POLD4: variants seen among roughly 807,000 people sequenced by gnomAD.
POLD4 encodes the protein DNA polymerase delta subunit 4.
A neutral mutation model predicts 16.5 loss-of-function variants in POLD4; 9 were observed. That is an observed-to-expected ratio of 0.55 (90% CI 0.33 to 0.95). The LOEUF (loss-of-function observed/expected upper bound fraction) is 0.95, where lower values mean the gene tolerates loss of function less well. Among genes scored for constraint, POLD4 ranks in the 40% least tolerant of loss-of-function variants. The pLI is 0.03. For synonymous variants in POLD4, 62 were observed against 57.6 expected (o/e 1.08, Z -0.35); for missense variants, 129 against 139.7 (o/e 0.92, Z 0.39).
In POLD4 at chr11:67,353,058, G is replaced by T. The variant is rs28364241; in HGVS notation, c.117C>A (p.Arg39=). 765 of 1,588,348 alleles carry T rather than the reference G, an allele frequency of 4.8e-4. 3 individuals carry two copies. In the African/African-American group the frequency reaches 9.0e-3, roughly 19 times the overall value. The part of the protein sequence containing the change: ...APELGEEPQP[R]DEEEAELELL... The stretch of plus-strand genomic sequence containing the variant: ...GCTCCAGCTCCGCTTCCTCCTCGTC[G>T]CGGGGCTGGGGCTCCTCCCCTGCAA... Residue 39 remains arginine (R), a synonymous_variant, in exon 2 of 4, where the codon CGC becomes CGA. Coordinates refer to ENST00000312419, the MANE Select transcript of POLD4 (RefSeq NM_021173.5).
chr11:67,352,983 C>A lies in POLD4; in HGVS notation c.187+5G>T. On this transcript the variant is annotated splice_donor_5th_base_variant and intron_variant, in intron 2 of 3. Transcript: ENST00000312419. ...GCGCCTCCGTGGGGCTGGGTGGGTT[C>A]TCACCGGTGCAGGGCCCGTACTGCC... 1 of 1,559,992 alleles carries A rather than the reference C, an allele frequency of 6.4e-7. No homozygotes were observed. Among genetic ancestry groups the A allele is most frequent in the South Asian group, 1.2e-5 (1 of 84,796 alleles).
intron 2 of POLD4, 36 bp from the exon 3 acceptor site, chr11:67,352,838 G>A: frequency 6.5e-7 from 1 of 1,544,832 alleles, no homozygotes; most frequent in Admixed American, 1.8e-5. Flanking sequence ...GAGACTTGTG[G>A]GGGGTGGGGT....
chr11:67,352,771 GGC>G lies in POLD4; in HGVS notation c.217_218del (p.Ala73GlnfsTer89). On this transcript the variant is annotated frameshift_variant, in exon 3 of 4. Transcript: ENST00000312419. LOFTEE classifies it high-confidence loss of function. ...GGGGAGGCTCCAAGCCCATCTGCTT[GGC>G]CCGACACCAGCGCTGCAGCCGTGTG... ...GITRLQRWCR[A>X]KQMGLEPPPE... is the part of the protein sequence containing the mutation. The G allele has an allele frequency of 6.2e-7, 1 of 1,612,248 alleles. No individual in the cohort carries two copies. Among genetic ancestry groups the G allele is most frequent in the Admixed American group, 1.7e-5 (1 of 59,774 alleles).
At chr11:67,352,533 G>A (rs979417941) in intron 3 of POLD4, 158 bp downstream of exon 3, 2 of 587,394 alleles carry the variant, frequency 3.4e-6, no homozygotes, top group Non-Finnish European at 3.1e-6. Context: ...TATTATAGTG[G>A]CGTGTCCTCC....
intron 3 of POLD4, 68 bp from the exon 4 acceptor site, chr11:67,352,087 T>C: frequency 7.7e-7 from 1 of 1,293,584 alleles, no homozygotes; most frequent in Non-Finnish European, 1.1e-6. Context: ...GAATCAGTTG[T>C]TGAGTCCCTG....
Position 67,353,430 on chromosome 11 carries a change from C to G in POLD4, c.-31G>C. The G allele has an allele frequency of 6.3e-7, 1 of 1,592,618 alleles. No individual in the cohort carries two copies. Among genetic ancestry groups the G allele is most frequent in the South Asian group, 1.1e-5 (1 of 90,446 alleles). On this transcript the variant is annotated 5_prime_UTR_variant, in exon 1 of 4. Coordinates refer to ENST00000312419, the MANE Select transcript of POLD4 (RefSeq NM_021173.5). The stretch of plus-strand genomic sequence containing the variant: ...CCACCCAGGCAGGCAGAGAAGGAGG[C>G]AACTGCGGGGAAGAGGAGAGACCGG...
chr11:67,351,999 A>AT lies in POLD4; in HGVS notation c.319_320insA (p.Leu107HisfsTer56). 7.8e-7 allele frequency: 1 copy of AT among 1,286,044 alleles called. No homozygotes were observed. The highest frequency in any genetic ancestry group is 1.0e-6 in the Non-Finnish European group (1 of 982,732). The allele number at this position is 1,286,044 out of a possible 1,614,324, so 79.7% of individuals were successfully genotyped here. ...CAGGAGGTCTTACGTGGTGCCTCAT[A>AT]GGGGATAGAGATGCCAGAGACTGTG... On this transcript the variant is annotated frameshift_variant, in exon 4 of 4. Transcript: ENST00000312419. LOFTEE classifies it high-confidence loss of function. This position sits in a 1 kb window ranked among gnomAD's most constrained non-coding sequence, Gnocchi z 4.8.
chr11:67,352,639 T>A, intron 3 of POLD4, 52 bp downstream of exon 3: 1 of 1,397,440 alleles, frequency 7.2e-7, no homozygotes. Flanking sequence ...AGGGTGACAG[T>A]GCCTGGAGAA....
At chr11:67,352,471 C>G in intron 3 of POLD4, 1 of 482,084 alleles carries the variant, frequency 2.1e-6, no homozygotes. Flanking sequence ...GATCGCGCCA[C>G]TGCACTCCAG....
intron 3 of POLD4, chr11:67,352,478 C>G (rs956787112): frequency 1.2e-5 from 6 of 494,040 alleles, no homozygotes; most frequent in Non-Finnish European, 2.2e-5. Context: ...CCACTGCACT[C>G]CAGCCTGGGC....
intron 2 of POLD4, 79 bp from the exon 3 acceptor site, chr11:67,352,881 G>A: frequency 2.2e-6 from 3 of 1,366,332 alleles, no homozygotes; most frequent in Non-Finnish European, 3.0e-6. Context: ...TGTGTTGGGG[G>A]GAGACAGTTC....
chr11:67,353,216 C>T, intron 1 of POLD4, 87 bp downstream of exon 1: 1 of 1,548,566 alleles, frequency 6.5e-7, no homozygotes, highest in Non-Finnish European at 8.8e-7. Context: ...GCCACCTTTC[C>T]CTTTCCATCG....
Position 67,351,091 on chromosome 11 carries a change from A to T in POLD4, c.*904T>A, listed in dbSNP as rs1296987560. 1.3e-5 allele frequency: 2 copies of T among 152,218 alleles called. No individual in the cohort carries two copies. The highest frequency in any genetic ancestry group is 3.8e-4 in the East Asian group (2 of 5,198). The allele number at this position is 152,218 out of a possible 1,614,324, so 9.4% of individuals were successfully genotyped here. On this transcript the variant is annotated 3_prime_UTR_variant, in exon 4 of 4. Coordinates refer to ENST00000312419, the MANE Select transcript of POLD4 (RefSeq NM_021173.5). This position sits in a 1 kb window ranked among gnomAD's most constrained non-coding sequence, Gnocchi z 4.8. ...GTTTCTTACCAAAGCCCCTCAGATG[A>T]TGGTCATGTCTGAGCAGGTCCTGCA...
Position 67,352,676 on chromosome 11 carries a change from C to T in POLD4, c.299+15G>A, listed in dbSNP as rs759268188. 6 of 1,606,248 alleles carry T rather than the reference C, an allele frequency of 3.7e-6. No homozygotes were observed. The highest frequency in any genetic ancestry group is 2.7e-5 in the African/African-American group (2 of 74,904). On this transcript the variant is annotated intron_variant, in intron 3 of 3. Transcript: ENST00000312419. Reference sequence around the variant, plus strand: ...GCCCTGGCTCCCCTGAAAGCCCTCCCGGCCTGTCTCTGACCTGCACTGGAA... The same window carrying T: ...GCCCTGGCTCCCCTGAAAGCCCTCCTGGCCTGTCTCTGACCTGCACTGGAA...
intron 1 of POLD4, 43 bp from the exon 2 acceptor site, chr11:67,353,120 T>C (rs1193110039): frequency 6.5e-7 from 1 of 1,540,948 alleles, no homozygotes; most frequent in Admixed American, 1.9e-5. Context: ...GGCTTCAGTC[T>C]CCTGCCCCTC....
In POLD4 at chr11:67,353,526, G is replaced by A; in HGVS notation, c.-127C>T. 2.6e-6 allele frequency: 2 copies of A among 768,424 alleles called. No individual in the cohort carries two copies. The highest frequency in any genetic ancestry group is 4.1e-6 in the Non-Finnish European group (2 of 489,596). The allele number at this position is 768,424 out of a possible 1,614,324, so 47.6% of individuals were successfully genotyped here. On this transcript the variant is annotated 5_prime_UTR_variant, in exon 1 of 4. Transcript: ENST00000312419. ...CAGGCCAGCGGCGGGCAGACAAGAT[G>A]ACCCAGACAAACCGAGAGAGGAAGT...
In POLD4 at chr11:67,353,077, C is replaced by A; in HGVS notation, c.98G>T (p.Gly33Val). The A allele has an allele frequency of 6.3e-7, 1 of 1,581,728 alleles. No individual in the cohort carries two copies. Among genetic ancestry groups the A allele is most frequent in the East Asian group, 2.3e-5 (1 of 42,806 alleles). ...HSKGELAPEL[G>V]EEPQPRDEEE... is the part of the protein sequence containing the mutation. ...CTCGTCGCGGGGCTGGGGCTCCTCCCCTGCAATGACAGCTGCTCTTCAGTA... is the reference window on the plus strand; with the variant it reads ...CTCGTCGCGGGGCTGGGGCTCCTCCACTGCAATGACAGCTGCTCTTCAGTA... The change falls in exon 2 of 4, where the codon GGG becomes GTG. Residue 33 changes from glycine (G) to valine (V), a missense_variant and splice_region_variant. Coordinates refer to ENST00000312419, the MANE Select transcript of POLD4 (RefSeq NM_021173.5).
Position 67,351,800 on chromosome 11 carries a change from G to A in POLD4, c.*195C>T, listed in dbSNP as rs960613956. 8 of 590,636 alleles carry A rather than the reference G, an allele frequency of 1.4e-5. No individual in the cohort carries two copies. The highest frequency in any genetic ancestry group is 2.1e-5 in the Non-Finnish European group (7 of 326,366). 36.6% of individuals were successfully genotyped at this position (590,636 alleles called of 1,614,324 possible). A position where few individuals can be genotyped will look rare whatever the true frequency, so the allele number is the denominator to read the frequency against. On this transcript the variant is annotated 3_prime_UTR_variant, in exon 4 of 4. Coordinates refer to ENST00000312419, the MANE Select transcript of POLD4 (RefSeq NM_021173.5). The surrounding 1 kb of genome is among the most constrained non-coding windows in gnomAD (Gnocchi z 4.8). ...TCTAGAAGCACTCTGCTTCAGCTGC[G>A]CAGGCTCTTCCGGGGACTCTGGGAG...
rs1861883412 is a variant in POLD4, at chr11:67,352,239, G to A, written c.300-220C>T. ...AGGTAAGAATTATTGGCCGGGTGTG[G>A]TGGCTCACGCCTGTAATCCCAGCAC... On this transcript the variant is annotated intron_variant, in intron 3 of 3. Coordinates refer to ENST00000312419, the MANE Select transcript of POLD4 (RefSeq NM_021173.5). The A allele has an allele frequency of 5.8e-6, 3 of 513,024 alleles. No homozygotes were observed. In the Admixed American group the frequency reaches 9.9e-5, roughly 17 times the overall value. 31.8% of individuals were successfully genotyped at this position (513,024 alleles called of 1,614,324 possible).
Sources: allele counts gnomAD v4.1 joint callset, GRCh38; gene constraint gnomAD v4.1.1; non-coding constraint Gnocchi (gnomAD v3.1); transcripts MANE v1.5; gene names NCBI Gene and HGNC (gene_info 2026-07-23, HGNC 2026-07-21).